BACE1: variants seen among roughly 807,000 people sequenced by gnomAD.
BACE1 encodes the protein beta-secretase 1.
BACE1 carries 21 observed loss-of-function variants against 54.0 expected under a neutral mutation model. The ratio of observed to expected loss-of-function variants is 0.39; its 90% CI spans 0.28 to 0.56. The LOEUF (loss-of-function observed/expected upper bound fraction) is 0.56, where lower values mean the gene tolerates loss of function less well. BACE1 is among the 20% of genes least tolerant of loss of function. The pLI is 0.63. For synonymous variants in BACE1, 232 were observed against 260.9 expected, an observed-to-expected ratio of 0.89 and a Z score of 1.07; for missense variants, 511 against 661.2, an observed-to-expected ratio of 0.77 and a Z score of 2.49.
chr11:117,289,936 T>A, intron 8 of BACE1, 129 bp from the exon 9 acceptor site: 1 of 833,342 alleles, frequency 1.2e-6, no homozygotes, highest in South Asian at 1.8e-5. Context: ...CCAGGAGATA[T>A]TTAGGAGCAG....
intron 3 of BACE1, 94 bp from the exon 4 acceptor site, chr11:117,294,102 G>T (rs1034769561): frequency 3.5e-6 from 5 of 1,433,094 alleles, no homozygotes; most frequent in Non-Finnish European, 4.7e-6. Flanking sequence ...TTGAAGGCTT[G>T]GGGGATGCTC....
chr11:117,310,067 C>T (rs1035742893), intron 1 of BACE1, among the ~76,000 whole-genome samples: 4 of 152,034 alleles, frequency 2.6e-5, no homozygotes, highest in Admixed American at 6.6e-5. Context: ...CAGCACCACA[C>T]CTGGCTAATT....
intron 1 of BACE1, among the ~76,000 whole-genome samples, chr11:117,306,147 G>C (rs975641530): frequency 1.3e-5 from 2 of 152,192 alleles, no homozygotes; most frequent in Non-Finnish European, 2.9e-5. Flanking sequence ...GAGGTGTTCT[G>C]TTTGAAGGGG....
chr11:117,291,769 A>G lies in BACE1; in HGVS notation c.885T>C (p.Leu295=). The G allele has an allele frequency of 6.2e-7, 1 of 1,613,490 alleles. No homozygotes were observed. The highest frequency in any genetic ancestry group is 1.3e-5 in the African/African-American group (1 of 74,992). Residue 295 remains leucine (L), a synonymous_variant, in exon 6 of 9, where the codon CTT becomes CTC. Coordinates refer to ENST00000313005, the MANE Select transcript of BACE1 (RefSeq NM_012104.6). ...KSIVDSGTTN[L]RLPKKVFEAA... is the part of the protein sequence containing the mutation. ...CTTCAAACACTTTCTTGGGCAAACG[A>G]AGGTTGGTGGTGCCACTGTCCACAA...
At chr11:117,292,890 T>G (rs1042675970) in intron 5 of BACE1, 164 bp downstream of exon 5, 6 of 771,860 alleles carry the variant, frequency 7.8e-6, no homozygotes, top group Non-Finnish European at 6.1e-6. Context: ...CCGCAGATCC[T>G]GCTGTGTGAC....
Position 117,315,602 on chromosome 11 carries a change from T to C in BACE1, c.194A>G (p.Asp65Gly). Residue 65 changes from aspartate (D) to glycine (G), a missense_variant, in exon 1 of 9, where the codon GAC becomes GGC. Around this residue, in one of 2 missense-constraint regions of BACE1, gnomAD observed 104 missense variants for 95.5 expected, o/e 1.09. Coordinates refer to ENST00000313005, the MANE Select transcript of BACE1 (RefSeq NM_012104.6). The surrounding 1 kb of genome is among the most constrained non-coding windows in gnomAD (Gnocchi z 5.5). ...GRRGSFVEMV[D>G]NLRGKSGQGY... ...CTGCCCCGACTTGCCCCTCAGGTTG[T>C]CCACCATCTCCACAAAGCTGCCCCT... The C allele has an allele frequency of 6.3e-7, 1 of 1,589,404 alleles. No homozygotes were observed. Among genetic ancestry groups the C allele is most frequent in the South Asian group, 1.1e-5 (1 of 88,216 alleles).
chr11:117,309,823 C>T (rs1443217545), intron 1 of BACE1, among the ~76,000 whole-genome samples: 1 of 152,210 alleles, frequency 6.6e-6, no homozygotes, highest in Non-Finnish European at 1.5e-5. Flanking sequence ...TTGACTATCA[C>T]CAAATTTCAC....
rs200567388 is a variant in BACE1, at chr11:117,293,215, G to A, written c.706-27C>T. On this transcript the variant is annotated intron_variant, in intron 4 of 8. Transcript: ENST00000313005. The surrounding 1 kb of genome is among the most constrained non-coding windows in gnomAD (Gnocchi z 4.1). ...TAGGGAAAAAAAGAGGCAGGTACCC[G>A]TGTCCTGGCACAGAAGGAGAGTGAG... 58 of 1,610,714 alleles carry A rather than the reference G, an allele frequency of 3.6e-5. No homozygotes were observed. The highest frequency in any genetic ancestry group is 1.2e-4 in the South Asian group (11 of 90,488).
At chr11:117,308,085 C>T (rs939721276) in intron 1 of BACE1, among the ~76,000 whole-genome samples, 7 of 151,658 alleles carry the variant, frequency 4.6e-5, no homozygotes, top group Non-Finnish European at 7.4e-5. Context: ...ACAGGAAGGG[C>T]GGGGATCTAG....
Position 117,315,968 on chromosome 11 carries a change from G to A in BACE1, c.-173C>T, listed in dbSNP as rs1383597330. On this transcript the variant is annotated 5_prime_UTR_variant, in exon 1 of 9. Transcript: ENST00000313005. This position sits in a 1 kb window ranked among gnomAD's most constrained non-coding sequence, Gnocchi z 5.5. ...AGCCCCCGGGTCCGGGCTGTGGAGA[G>A]CGGTCAGGGGAGATCCGCAGAGCAC... 1 of 607,128 alleles carries A rather than the reference G, an allele frequency of 1.6e-6. No homozygotes were observed. The highest frequency in any genetic ancestry group is 2.5e-6 in the Non-Finnish European group (1 of 398,818). The allele number at this position is 607,128 out of a possible 1,614,324, so 37.6% of individuals were successfully genotyped here. A position where few individuals can be genotyped will look rare whatever the true frequency, so the allele number is the denominator to read the frequency against.
At chr11:117,291,864 G>T in intron 5 of BACE1, 51 bp from the exon 6 acceptor site, 2 of 1,422,032 alleles carry the variant, frequency 1.4e-6, no homozygotes, top group Non-Finnish European at 2.0e-6. Context: ...TTGATGCTGG[G>T]CTCTGGGCAG....
At position 117,286,615 on chromosome 11, in the gene BACE1, T is replaced by C. The variant is rs1440101320; in HGVS notation, c.*2951A>G. The C allele has an allele frequency of 6.5e-6, 1 of 152,680 alleles. No individual in the cohort carries two copies. The highest frequency in any genetic ancestry group is 1.5e-5 in the Non-Finnish European group (1 of 68,060). 9.5% of individuals were successfully genotyped at this position (152,680 alleles called of 1,614,324 possible). On this transcript the variant is annotated 3_prime_UTR_variant, in exon 9 of 9. Transcript: ENST00000313005. The stretch of plus-strand genomic sequence containing the variant: ...TTTCAGACCCAACTAAATGATCTCC[T>C]TTCTGCCTTTGATACTCTTTTCCTT...
intron 5 of BACE1, 120 bp from the exon 6 acceptor site, chr11:117,291,933 G>A: frequency 1.6e-6 from 1 of 625,338 alleles, no homozygotes; most frequent in South Asian, 1.8e-5. Context: ...CACCTCCTAA[G>A]TGTACCTGCT....
At position 117,293,173 on chromosome 11, in the gene BACE1, C is replaced by A; in HGVS notation, c.721G>T (p.Asp241Tyr). The A allele has an allele frequency of 6.2e-7, 1 of 1,613,558 alleles. No homozygotes were observed. Among genetic ancestry groups the A allele is most frequent in the South Asian group, 1.1e-5 (1 of 90,958 alleles). ...VGGSMIIGGI[D>Y]HSLYTGSLWY... is the part of the protein sequence containing the mutation. ...AGACTGCCTGTGTACAGCGAGTGGT[C>A]GATACCTCCAATGATCTAGGGAAAA... is the stretch of plus-strand genomic sequence containing the variant. The change falls in exon 5 of 9, where the codon GAC becomes TAC. Residue 241 changes from aspartate to tyrosine, a missense_variant. Asp to Tyr is a radical substitution (Grantham distance 160). This residue lies in a region of BACE1 where 407 missense variants were observed against 565.7 expected (regional missense o/e 0.72). Transcript: ENST00000313005. The surrounding 1 kb of genome is among the most constrained non-coding windows in gnomAD (Gnocchi z 4.1).
intron 2 of BACE1, among the ~76,000 whole-genome samples, chr11:117,296,294 G>A (rs2034597643): frequency 6.6e-6 from 1 of 150,878 alleles, no homozygotes; most frequent in Non-Finnish European, 1.5e-5. Context: ...CCTTTCACCA[G>A]TAAGCTGAAT....
chr11:117,311,418 C>CAGAATCTCAAA (rs1342825845), intron 1 of BACE1, among the ~76,000 whole-genome samples: 5 of 152,074 alleles, frequency 3.3e-5, no homozygotes, highest in African/African-American at 1.2e-4. Flanking sequence ...TCCTCCAGTT[C>CAGAATCTCAAA]ACCCCAGATC....
At position 117,289,623 on chromosome 11, in the gene BACE1, G is replaced by A; in HGVS notation, c.1449C>T (p.Leu483=). Residue 483 remains leucine, a synonymous_variant, in exon 9 of 9, where the codon CTC becomes CTT. Coordinates refer to ENST00000313005, the MANE Select transcript of BACE1 (RefSeq NM_012104.6). ...CATCATGCTGCTGGCGCAGGCAGCG[G>A]AGGCAGCGCCACTGACACACCATGA... is the stretch of plus-strand genomic sequence containing the variant. ...LCLMVCQWRC[L]RCLRQQHDDF... 1 of 1,614,234 alleles carries A rather than the reference G, an allele frequency of 6.2e-7. No individual in the cohort carries two copies. The highest frequency in any genetic ancestry group is 8.5e-7 in the Non-Finnish European group (1 of 1,180,036).
In BACE1 at chr11:117,287,390, A is replaced by T. The variant is rs1163862717; in HGVS notation, c.*2176T>A. 3 of 152,690 alleles carry T rather than the reference A, an allele frequency of 2.0e-5. No individual in the cohort carries two copies. Among genetic ancestry groups the T allele is most frequent in the Non-Finnish European group, 4.4e-5 (3 of 68,050 alleles). The allele number at this position is 152,690 out of a possible 1,614,324, so 9.5% of individuals were successfully genotyped here. On this transcript the variant is annotated 3_prime_UTR_variant, in exon 9 of 9. Coordinates refer to ENST00000313005, the MANE Select transcript of BACE1 (RefSeq NM_012104.6). ...CAGTCATTTTTCAGGAGCAGAATTT[A>T]AAAATACAGATGTATAATACATATT...
Position 117,290,990 on chromosome 11 carries a change from G to C in BACE1, c.1002C>G (p.Gly334=). 6.2e-7 allele frequency: 1 copy of C among 1,614,198 alleles called. No individual in the cohort carries two copies. Among genetic ancestry groups the C allele is most frequent in the South Asian group, 1.1e-5 (1 of 91,088 alleles). The change falls in exon 7 of 9, where the codon GGC becomes GGG. Residue 334 remains glycine, a synonymous_variant. Coordinates refer to ENST00000313005, the MANE Select transcript of BACE1 (RefSeq NM_012104.6). The part of the protein sequence containing the change: ...LGEQLVCWQA[G]TTPWNIFPVI... ...CTGGGAAAATGTTCCAAGGGGTGGT[G>C]CCTGCTTGCCAGCACACCAGCTGCT...
Sources: gnomAD v4.1 joint callset for allele counts (sites outside exome capture counted in the v4.1 genomes callset) on GRCh38, gnomAD v4.1.1 for gene constraint, gnomAD v4.1.1 regional missense constraint, Gnocchi (gnomAD v3.1) non-coding constraint, MANE v1.5 for transcripts, NCBI Gene and HGNC (gene_info 2026-07-23, HGNC 2026-07-21) for gene names.